MSI1: variants seen among roughly 807,000 people sequenced by gnomAD.
The protein encoded by MSI1 is musashi RNA binding protein 1.
In MSI1, 15 loss-of-function variants were observed where a neutral mutation model predicts 54.4. The observed-to-expected ratio is 0.28, with a 90% CI of 0.18 to 0.42. MSI1 has a LOEUF of 0.42. Among genes scored for constraint, MSI1 ranks in the 20% least tolerant of loss-of-function variants. The pLI is 1.00. For synonymous variants in MSI1, 200 were observed against 196.5 expected, an observed-to-expected ratio of 1.02 and a Z score of -0.15; for missense variants, 304 against 506.0, an observed-to-expected ratio of 0.60 and a Z score of 3.83.
In MSI1 at chr12:120,358,987, G is replaced by T; in HGVS notation, c.451+18C>A. 1.3e-6 allele frequency: 2 copies of T among 1,566,208 alleles called. No homozygotes were observed. The highest frequency in any genetic ancestry group is 1.7e-6 in the Non-Finnish European group (2 of 1,155,350). On this transcript the variant is annotated intron_variant, in intron 7 of 14. Coordinates refer to ENST00000257552, the MANE Select transcript of MSI1 (RefSeq NM_002442.4). ...ACCACGGGGCCCAGCCTGGGAAGGG[G>T]GAGGGGGCCACACTCACCTCGGTGC...
At chr12:120,344,750 G>A (rs1361180739) in intron 14 of MSI1, among the ~76,000 whole-genome samples, 1 of 151,364 alleles carries the variant, frequency 6.6e-6, no homozygotes, top group Non-Finnish European at 1.5e-5. Flanking sequence ...GCTCACCCCT[G>A]TAATCCCAGC....
At chr12:120,353,731 A>G (rs962898344) in intron 9 of MSI1, among the ~76,000 whole-genome samples, 2 of 152,150 alleles carry the variant, frequency 1.3e-5, no homozygotes, top group African/African-American at 4.8e-5. Context: ...CCTCTGCTCC[A>G]GCCACATTGG....
At chr12:120,359,207 C>T (rs924540899) in intron 6 of MSI1, among the ~76,000 whole-genome samples, 154 bp from the exon 7 acceptor site, 1 of 152,208 alleles carries the variant, frequency 6.6e-6, no homozygotes, top group African/African-American at 2.4e-5. Context: ...CCTTCTGCAA[C>T]CCCACTGAAA....
At position 120,342,070 on chromosome 12, in the gene MSI1, G is replaced by C. The variant is rs1339096251; in HGVS notation, c.*1057C>G. The C allele has an allele frequency of 6.6e-6, 1 of 151,498 alleles. No individual in the cohort carries two copies. The highest frequency in any genetic ancestry group is 1.5e-5 in the Non-Finnish European group (1 of 68,098). The allele number at this position is 151,498 out of a possible 1,614,324, so 9.4% of individuals were successfully genotyped here. ...TTGCTTTCCCCTGGGGTCTGCCCTC[G>C]CCAGAGCGTCCCCTGGTGCCCACTC... On this transcript the variant is annotated 3_prime_UTR_variant, in exon 15 of 15. Coordinates refer to ENST00000257552, the MANE Select transcript of MSI1 (RefSeq NM_002442.4).
At chr12:120,364,614 G>T in intron 5 of MSI1, 100 bp downstream of exon 5, 2 of 1,181,332 alleles carry the variant, frequency 1.7e-6, no homozygotes, top group Middle Eastern at 2.5e-4. Context: ...ACTCCAAGCA[G>T]AGGTTCCAGA....
intron 8 of MSI1, among the ~76,000 whole-genome samples, chr12:120,357,389 G>T (rs1875225000): frequency 6.6e-6 from 1 of 152,140 alleles, no homozygotes; most frequent in South Asian, 2.1e-4. Flanking sequence ...CCACTCACTC[G>T]AAGCCCCTCT....
intron 4 of MSI1, among the ~76,000 whole-genome samples, chr12:120,367,068 G>A (rs1876062301): frequency 1.3e-5 from 2 of 152,152 alleles, no homozygotes; most frequent in Admixed American, 6.5e-5. Context: ...AGCGGGAGCG[G>A]GAGCCACTGG....
At chr12:120,366,996 G>A (rs556308500) in intron 4 of MSI1, among the ~76,000 whole-genome samples, 5 of 152,240 alleles carry the variant, frequency 3.3e-5, no homozygotes, top group Admixed American at 1.3e-4. Context: ...CTCAGGCTGC[G>A]CCAAGAAGAT....
At position 120,355,030 on chromosome 12, in the gene MSI1, C is replaced by CAA. The variant is rs71076610; in HGVS notation, c.653-1653_653-1652dup. ...CAACATAGTGAGACCCCGTCTCTAC[C>CAA]AAAAAAAAAAAAAAAAAAAAAAAAA... On this transcript the variant is annotated intron_variant, in intron 9 of 14. Transcript: ENST00000257552. Among the ~76,000 whole-genome samples the CAA allele has an allele frequency of 1.3e-3, 59 of 44,100 alleles. 5 individuals carry two copies. The highest frequency in any genetic ancestry group is 4.8e-3 in the African/African-American group (47 of 9,780). 28.9% of individuals were successfully genotyped at this position (44,100 alleles called of 152,430 possible).
At chr12:120,361,727 G>C (rs1250119890) in intron 6 of MSI1, among the ~76,000 whole-genome samples, 3 of 151,226 alleles carry the variant, frequency 2.0e-5, no homozygotes, top group African/African-American at 7.3e-5. Flanking sequence ...ATCCGGGCGG[G>C]GGGCCCCCCG....
In MSI1 at chr12:120,363,145, G is replaced by C. The variant is rs772929407; in HGVS notation, c.310-10C>G. 2 of 1,613,294 alleles carry C rather than the reference G, an allele frequency of 1.2e-6. No homozygotes were observed. The highest frequency in any genetic ancestry group is 2.2e-5 in the South Asian group (2 of 91,032). On this transcript the variant is annotated splice_polypyrimidine_tract_variant and intron_variant, in intron 5 of 14. Transcript: ENST00000257552. ...TCGTTCGAGTCACCATCTGTTAGGGGAGGGAATGAGAAAGTGGGCATCTGA... is the reference window on the plus strand; with the variant it reads ...TCGTTCGAGTCACCATCTGTTAGGGCAGGGAATGAGAAAGTGGGCATCTGA...
In MSI1 at chr12:120,367,333, C is replaced by T. The variant is rs191543938; in HGVS notation, c.267+675G>A. Reference sequence around the variant, plus strand: ...TCTGCCCTGGAGCCAGCGCCCCCTGCAGGGTCTAAGACACGAAGGAGCTGT... The same window carrying T: ...TCTGCCCTGGAGCCAGCGCCCCCTGTAGGGTCTAAGACACGAAGGAGCTGT... On this transcript the variant is annotated intron_variant, in intron 4 of 14. Coordinates refer to ENST00000257552, the MANE Select transcript of MSI1 (RefSeq NM_002442.4). 2.1e-4 allele frequency among the ~76,000 whole-genome samples: 32 copies of T among 152,288 alleles called. 2 individuals carry two copies. The highest frequency in any genetic ancestry group is 1.8e-3 in the Admixed American group (27 of 15,302).
chr12:120,347,429 A>G lies in MSI1; in HGVS notation c.859+17T>C, dbSNP rs1457337070. The G allele has an allele frequency of 1.2e-6, 2 of 1,613,628 alleles. No homozygotes were observed. Among genetic ancestry groups the G allele is most frequent in the African/African-American group, 1.3e-5 (1 of 74,860 alleles). ...TGTGCTCCCTCATCTCTCTTCCTGC[A>G]CCTCAGAAGAGCTCACCTGTCCCTC... On this transcript the variant is annotated intron_variant, in intron 12 of 14. Transcript: ENST00000257552.
At chr12:120,352,102 C>A (rs370190335) in intron 10 of MSI1, among the ~76,000 whole-genome samples, 6 of 151,918 alleles carry the variant, frequency 3.9e-5, no homozygotes, top group African/African-American at 1.4e-4. Context: ...ACTACACACT[C>A]GACCTCCTGG....
chr12:120,347,419 C>G lies in MSI1; in HGVS notation c.859+27G>C, dbSNP rs759623672. The stretch of plus-strand genomic sequence containing the variant: ...CTCTGCTCCCTGTGCTCCCTCATCT[C>G]TCTTCCTGCACCTCAGAAGAGCTCA... On this transcript the variant is annotated intron_variant, in intron 12 of 14. Transcript: ENST00000257552. 3 of 1,613,790 alleles carry G rather than the reference C, an allele frequency of 1.9e-6. No individual in the cohort carries two copies. In the East Asian group the frequency reaches 6.7e-5, roughly 36 times the overall value.
intron 10 of MSI1, among the ~76,000 whole-genome samples, chr12:120,352,200 C>T (rs901197878): frequency 1.3e-5 from 2 of 151,758 alleles, no homozygotes; most frequent in African/African-American, 4.8e-5. Flanking sequence ...AGAGACAAGG[C>T]CTCACTATGT....
At chr12:120,363,269 C>CT (rs1875803285) in intron 5 of MSI1, 134 bp from the exon 6 acceptor site, 4 of 665,580 alleles carry the variant, frequency 6.0e-6, no homozygotes. Context: ...AGGCCCCCCC[C>CT]CCGCAAGCTC....
intron 7 of MSI1, 109 bp from the exon 8 acceptor site, chr12:120,358,007 G>T: frequency 6.8e-6 from 6 of 878,372 alleles, no homozygotes; most frequent in Non-Finnish European, 1.9e-6. Context: ...GCGAGTGAGA[G>T]TTAATGAAAG....
intron 11 of MSI1, among the ~76,000 whole-genome samples, chr12:120,348,634 A>G (rs960678662): frequency 1.3e-5 from 2 of 151,734 alleles, no homozygotes; most frequent in Non-Finnish European, 2.9e-5. Flanking sequence ...CTGTGATCCC[A>G]GCACTTTGGG....
Sources: gnomAD v4.1 joint callset for allele counts (sites outside exome capture counted in the v4.1 genomes callset) on GRCh38, gnomAD v4.1.1 for gene constraint, MANE v1.5 for transcripts, NCBI Gene and HGNC (gene_info 2026-07-23, HGNC 2026-07-21) for gene names.